LYPD6: variants seen among roughly 807,000 people sequenced by gnomAD.
LYPD6 encodes ly6/PLAUR domain-containing protein 6.
Under a neutral mutation model 22.7 loss-of-function variants are expected in LYPD6, and 15 were observed. The observed-to-expected ratio is 0.66, with a 90% CI of 0.44 to 1.02. The LOEUF (loss-of-function observed/expected upper bound fraction) is 1.02, where lower values mean the gene tolerates loss of function less well. Ranked by LOEUF, LYPD6 falls within the 50% of genes least tolerant of loss-of-function variation. The probability of loss-of-function intolerance (pLI) is 0.00; values close to 1 mark genes in which losing one functional copy is unlikely to be tolerated. For synonymous variants in LYPD6, 72 were observed against 77.5 expected (o/e 0.93, Z 0.37); for missense variants, 189 against 208.4 (o/e 0.91, Z 0.57).
At chr2:149,410,954 C>T (rs537568118) in intron 1 of LYPD6, among the ~76,000 whole-genome samples, 7 of 152,288 alleles carry the variant, frequency 4.6e-5, no homozygotes, top group Admixed American at 3.3e-4. Flanking sequence ...TGTTACATTT[C>T]ATTGTTTTAC....
intron 2 of LYPD6, among the ~76,000 whole-genome samples, chr2:149,447,703 A>G (rs1240453724): frequency 6.6e-6 from 1 of 152,264 alleles, no homozygotes; most frequent in East Asian, 1.9e-4. Flanking sequence ...AAATTTTATG[A>G]TGATTCAACC....
rs764931128 is a variant in LYPD6 at position 149,449,107 on chromosome 2, T to C, written c.177T>C (p.Tyr59=). 14 of 1,613,552 alleles carry C rather than the reference T, an allele frequency of 8.7e-6. No homozygotes were observed. The highest frequency in any genetic ancestry group is 1.2e-5 in the Non-Finnish European group (14 of 1,179,796). Residue 59 remains tyrosine, a synonymous_variant, in exon 3 of 5, where the codon TAT becomes TAC. Coordinates refer to ENST00000334166, the MANE Select transcript of LYPD6 (RefSeq NM_194317.5). ...CCTGTGAAAAGGCAGCAGACAATTATGAGTGCAACCGATGGGCTCCAGACA... is the reference window on the plus strand; with the variant it reads ...CCTGTGAAAAGGCAGCAGACAATTACGAGTGCAACCGATGGGCTCCAGACA... ...CFTCEKAADN[Y]ECNRWAPDIY...
intron 3 of LYPD6, 109 bp downstream of exon 3, chr2:149,449,256 C>T (rs1488795181): frequency 4.5e-6 from 3 of 663,558 alleles, no homozygotes; most frequent in Admixed American, 5.8e-5. Context: ...TCAGCTGCTC[C>T]TCTTGTCTAA....
At chr2:149,477,643 A>G (rs1681465324), downstream of LYPD6, among the ~76,000 whole-genome samples, 1 of 150,860 alleles carries the variant, frequency 6.6e-6, no homozygotes, top group Non-Finnish European at 1.5e-5. Context: ...AAAAAAAAAA[A>G]AAAAAGAAAC....
chr2:149,400,229 T>C (rs1328367220), intron 1 of LYPD6, among the ~76,000 whole-genome samples: 1 of 152,240 alleles, frequency 6.6e-6, no homozygotes, highest in African/African-American at 2.4e-5. Flanking sequence ...TTGCCACTTA[T>C]TCTACCCTCC....
intron 2 of LYPD6, among the ~76,000 whole-genome samples, chr2:149,445,589 A>G (rs1220419657): frequency 6.6e-6 from 1 of 152,208 alleles, no homozygotes; most frequent in Non-Finnish European, 1.5e-5. Flanking sequence ...ATTTTATGTT[A>G]TGGAAATGGA....
chr2:149,455,746 A>G (rs1157883223), intron 3 of LYPD6, among the ~76,000 whole-genome samples: 1 of 152,154 alleles, frequency 6.6e-6, no homozygotes, highest in Non-Finnish European at 1.5e-5. Context: ...TGTTCACCAT[A>G]AAGTCCTGTC....
Position 149,414,776 on chromosome 2 carries a change from T to C in LYPD6, c.-71-22862T>C, listed in dbSNP as rs1389336450. On this transcript the variant is annotated intron_variant, in intron 1 of 4. Coordinates refer to ENST00000334166, the MANE Select transcript of LYPD6 (RefSeq NM_194317.5). ...TGAACTGAAAGGACAAAATCCAAAA[T>C]ATAATGACTTAGTTTCTTAAAATGG... Among the ~76,000 whole-genome samples, 7 of 152,298 alleles carry C rather than the reference T, an allele frequency of 4.6e-5. No homozygotes were observed. In the East Asian group the frequency reaches 1.4e-3, roughly 29 times the overall value.
intron 1 of LYPD6, among the ~76,000 whole-genome samples, chr2:149,351,392 T>TAAAAAAAAAAAAAA (rs71397025): frequency 9.6e-5 from 8 of 83,108 alleles, no homozygotes; most frequent in Non-Finnish European, 1.1e-4. Flanking sequence ...AGACTCCATC[T>TAAAAAAAAAAAAAA]AAAAAAAAAA....
chr2:149,387,955 G>A (rs1682224617), intron 1 of LYPD6, among the ~76,000 whole-genome samples: 1 of 152,136 alleles, frequency 6.6e-6, no homozygotes, highest in African/African-American at 2.4e-5. Flanking sequence ...TAAGTATTTG[G>A]TAGGGAGCAC....
chr2:149,467,932 C>A (rs1681238958), intron 3 of LYPD6, among the ~76,000 whole-genome samples: 1 of 152,024 alleles, frequency 6.6e-6, no homozygotes, highest in African/African-American at 2.4e-5. Flanking sequence ...ATAGAGGGAC[C>A]TCTGGAAACT....
intron 1 of LYPD6, among the ~76,000 whole-genome samples, chr2:149,335,807 G>A (rs1385447969): frequency 6.6e-6 from 1 of 152,250 alleles, no homozygotes; most frequent in African/African-American, 2.4e-5. Flanking sequence ...TTACTATTGT[G>A]TTACAGTTGC....
intron 2 of LYPD6, among the ~76,000 whole-genome samples, chr2:149,441,210 T>A (rs898354010): frequency 6.6e-6 from 1 of 152,066 alleles, no homozygotes; most frequent in Non-Finnish European, 1.5e-5. Context: ...AAGTATGGGA[T>A]TAGTTTGATT....
intron 3 of LYPD6, chr2:149,464,286 C>T: frequency 3.1e-6 from 1 of 324,488 alleles, no homozygotes. Flanking sequence ...GAAGATTTCA[C>T]AGAATTTATC....
At chr2:149,478,012 T>A (rs75398231), downstream of LYPD6, among the ~76,000 whole-genome samples, 1 of 152,204 alleles carries the variant, frequency 6.6e-6, no homozygotes, top group Non-Finnish European at 1.5e-5. Flanking sequence ...CTAAGGCTGC[T>A]TCTGTGATTA....
intron 1 of LYPD6, among the ~76,000 whole-genome samples, chr2:149,376,945 A>G (rs1032568162): frequency 3.9e-5 from 6 of 152,226 alleles, no homozygotes; most frequent in African/African-American, 7.2e-5. Context: ...TAAACTGTCT[A>G]CAGTGCAGTC....
At chr2:149,405,433 G>A (rs1234934077) in intron 1 of LYPD6, among the ~76,000 whole-genome samples, 2 of 152,076 alleles carry the variant, frequency 1.3e-5, no homozygotes, top group Non-Finnish European at 2.9e-5. Context: ...GTCTATTCAG[G>A]GATTCAACTT....
intron 2 of LYPD6, among the ~76,000 whole-genome samples, chr2:149,446,730 A>G (rs941085602): frequency 3.3e-5 from 5 of 152,176 alleles, no homozygotes; most frequent in Non-Finnish European, 7.4e-5. Flanking sequence ...GCCCATAAAA[A>G]GTTCCGATTA....
chr2:149,421,578 T>C (rs1271047199), intron 1 of LYPD6, among the ~76,000 whole-genome samples: 1 of 151,956 alleles, frequency 6.6e-6, no homozygotes, highest in African/African-American at 2.4e-5. Flanking sequence ...AGGTCGAAAA[T>C]GATGGGATAG....
Sources: gnomAD v4.1 joint callset for allele counts (sites outside exome capture counted in the v4.1 genomes callset) on GRCh38, gnomAD v4.1.1 for gene constraint, MANE v1.5 for transcripts, NCBI Gene and HGNC (gene_info 2026-07-23, HGNC 2026-07-21) for gene names.